Variants in PRKG1 observed in about 807,000 individuals in gnomAD.
PRKG1 encodes the protein protein kinase cGMP-dependent 1, also known as cGMP-dependent protein kinase 1.
PRKG1 carries 35 observed loss-of-function variants against 88.1 expected under a neutral mutation model. The ratio of observed to expected loss-of-function variants is 0.40; its 90% CI spans 0.30 to 0.53. The LOEUF is 0.53. Among genes scored for constraint, PRKG1 ranks in the 20% least tolerant of loss-of-function variants. The pLI is 0.59. For missense variants in PRKG1, 540 were observed against 839.8 expected, an observed-to-expected ratio of 0.64 and a Z score of 4.41; for synonymous variants, 303 against 292.5, an observed-to-expected ratio of 1.04 and a Z score of -0.37.
chr10:51,819,621 A>G (rs2132724923), intron 4 of PRKG1, among the ~76,000 whole-genome samples: 2 of 152,268 alleles, frequency 1.3e-5, no homozygotes, highest in East Asian at 1.9e-4. Flanking sequence ...GATAAAATAA[A>G]TGGAGATAGT....
chr10:51,164,866 C>T (rs1159859714), intron 2 of PRKG1, among the ~76,000 whole-genome samples: 43 of 151,900 alleles, frequency 2.8e-4, no homozygotes, highest in East Asian at 1.5e-3. Flanking sequence ...TAAAAAGAAA[C>T]GAACAAAGCC....
intron 3 of PRKG1, among the ~76,000 whole-genome samples, chr10:51,618,737 C>T (rs35255290): frequency 1.7e-3 from 259 of 151,882 alleles, no homozygotes; most frequent in South Asian, 3.9e-3. Context: ...TTTCAAATCA[C>T]TTAGGCATTT....
chr10:51,186,955 T>TATATATATAC (rs1564631469), intron 2 of PRKG1, among the ~76,000 whole-genome samples: 1 of 21,292 alleles, frequency 4.7e-5, no homozygotes, highest in African/African-American at 1.8e-4. Context: ...GGCCCTGTGT[T>TATATATATAC]ATATATATAT....
intron 5 of PRKG1, among the ~76,000 whole-genome samples, chr10:52,037,685 A>T (rs1000945659): frequency 1.1e-4 from 16 of 151,916 alleles, no homozygotes; most frequent in African/African-American, 3.4e-4. Context: ...GCTGGGCAGG[A>T]GGGGGAGGGC....
intron 7 of PRKG1, among the ~76,000 whole-genome samples, chr10:52,100,694 C>A (rs866095607): frequency 1.3e-5 from 2 of 152,106 alleles, no homozygotes; most frequent in Admixed American, 1.3e-4. Context: ...AAAACGAGAG[C>A]CTTTATCCAA....
At chr10:51,230,719 A>G (rs1275575330) in intron 2 of PRKG1, among the ~76,000 whole-genome samples, 3 of 152,164 alleles carry the variant, frequency 2.0e-5, no homozygotes, top group African/African-American at 7.2e-5. Context: ...AATTACTTAT[A>G]ATAATGAATG....
At chr10:51,706,678 G>A (rs2132424634) in intron 3 of PRKG1, among the ~76,000 whole-genome samples, 1 of 152,272 alleles carries the variant, frequency 6.6e-6, no homozygotes, top group East Asian at 1.9e-4. Context: ...AAAGGCAGTA[G>A]AGTGAAGGAA....
chr10:51,592,335 C>T (rs1018233321), intron 3 of PRKG1, among the ~76,000 whole-genome samples: 4 of 152,166 alleles, frequency 2.6e-5, no homozygotes, highest in Non-Finnish European at 4.4e-5. Flanking sequence ...ACTCTTGCCA[C>T]AATGCATGAG....
At chr10:51,728,449 CTTTGTTT>C (rs1842189120) in intron 3 of PRKG1, among the ~76,000 whole-genome samples, 1 of 57,918 alleles carries the variant, frequency 1.7e-5, no homozygotes, top group African/African-American at 6.9e-5. Context: ...TCCATTTTTT[CTTTGTTT>C]TTTTTTTTTT....
intron 3 of PRKG1, among the ~76,000 whole-genome samples, chr10:51,513,634 A>G (rs1178129428): frequency 2.3e-5 from 2 of 88,450 alleles, no homozygotes; most frequent in Non-Finnish European, 4.3e-5. Flanking sequence ...AACAGAAATT[A>G]TAACAAACTA....
intron 3 of PRKG1, among the ~76,000 whole-genome samples, chr10:51,690,998 T>G (rs1841127168): frequency 6.7e-6 from 1 of 149,820 alleles, no homozygotes; most frequent in South Asian, 2.1e-4. Context: ...ATTCTAGAGC[T>G]GTTAACATTT....
intron 3 of PRKG1, among the ~76,000 whole-genome samples, chr10:51,565,437 C>CA (rs1401970682): frequency 1.3e-5 from 2 of 151,798 alleles, no homozygotes; most frequent in East Asian, 1.9e-4. Flanking sequence ...GTGAATAAAA[C>CA]AAAAAAATGT....
intron 3 of PRKG1, among the ~76,000 whole-genome samples, chr10:51,571,111 G>T (rs11497981): frequency 0.075 from 11,350 of 151,818 alleles, 1,418 homozygotes; most frequent in African/African-American, 0.26. Context: ...TGCATTTGAC[G>T]TGCTCACCAG....
At chr10:51,384,095 G>GA (rs143031481) in intron 2 of PRKG1, among the ~76,000 whole-genome samples, 4,256 of 149,604 alleles carry the variant, frequency 0.028, 189 homozygotes, top group African/African-American at 0.095. Flanking sequence ...AATTCTCTTT[G>GA]AAAAAAAAAA....
At chr10:51,318,861 T>G (rs984597957) in intron 2 of PRKG1, among the ~76,000 whole-genome samples, 3 of 152,228 alleles carry the variant, frequency 2.0e-5, no homozygotes, top group East Asian at 1.9e-4. Context: ...AGCTTAAATT[T>G]CTTCCCTTCA....
intron 14 of PRKG1, among the ~76,000 whole-genome samples, chr10:52,287,931 AAAC>A (rs1278761596): frequency 7.2e-5 from 11 of 152,242 alleles, no homozygotes; most frequent in Non-Finnish European, 1.6e-4. Context: ...TACCAGCAGA[AAAC>A]AAACTCTTCT....
chr10:52,098,009 G>A (rs1402466405), intron 7 of PRKG1, among the ~76,000 whole-genome samples: 1 of 151,916 alleles, frequency 6.6e-6, no homozygotes, highest in African/African-American at 2.4e-5. Flanking sequence ...TTATCATATA[G>A]AATGTGAAGA....
At chr10:51,485,929 C>T (rs1346356811) in intron 3 of PRKG1, among the ~76,000 whole-genome samples, 1 of 152,092 alleles carries the variant, frequency 6.6e-6, no homozygotes, top group South Asian at 2.1e-4. Flanking sequence ...CTCTCCCCAG[C>T]CATAGGCAAC....
chr10:51,849,861 A>G (rs1301327257), intron 4 of PRKG1, among the ~76,000 whole-genome samples: 1 of 152,032 alleles, frequency 6.6e-6, no homozygotes, highest in Non-Finnish European at 1.5e-5. Flanking sequence ...AAGCATACAG[A>G]ATTTTAGTAG....
Sources: gnomAD v4.1 joint callset for allele counts (sites outside exome capture counted in the v4.1 genomes callset) on GRCh38, gnomAD v4.1.1 for gene constraint, MANE v1.5 for transcripts, NCBI Gene and HGNC (gene_info 2026-07-23, HGNC 2026-07-21) for gene names.